The following HMCN2 variants were observed in gnomAD, a reference collection of about 807,000 sequenced individuals.
HMCN2 encodes the protein hemicentin 2.
Under a neutral mutation model 377.5 loss-of-function variants are expected in HMCN2, and 325 were observed. The observed-to-expected ratio is 0.86, with a 90% CI of 0.79 to 0.94. The LOEUF (loss-of-function observed/expected upper bound fraction) is 0.94, where lower values mean the gene tolerates loss of function less well. HMCN2 is among the 40% of genes least tolerant of loss of function. The pLI, the probability that HMCN2 is intolerant of heterozygous loss-of-function variation, is 0.00. For missense variants in HMCN2, 4,543 were observed against 4,725.3 expected (o/e 0.96, Z 1.13); for synonymous variants, 2,007 against 2,046.8 (o/e 0.98, Z 0.53).
intron 66 of HMCN2, 66 bp downstream of exon 66, chr9:130,392,184 A>G: frequency 1.0e-6 from 1 of 974,154 alleles, no homozygotes; most frequent in Non-Finnish European, 1.2e-6. Context: ...ATTGTCAGCA[A>G]ATGGGAGGTG....
chr9:130,309,279 C>T (rs964157832), intron 14 of HMCN2, among the ~76,000 whole-genome samples: 7 of 151,926 alleles, frequency 4.6e-5, no homozygotes, highest in South Asian at 4.2e-4. Flanking sequence ...TTTGGGAGCC[C>T]GAGGTGGGCA....
intron 15 of HMCN2, among the ~76,000 whole-genome samples, chr9:130,319,052 C>T (rs902445917): frequency 6.4e-4 from 98 of 152,294 alleles, no homozygotes; most frequent in African/African-American, 2.3e-3. Context: ...AGGACACCTC[C>T]AAGAGAAAGC....
chr9:130,432,861 A>G, intron 97 of HMCN2: 1 of 436,664 alleles, frequency 2.3e-6, no homozygotes, highest in East Asian at 4.3e-5. Flanking sequence ...ATCAAGACAC[A>G]CGGAGACATG....
At chr9:130,390,567 G>A (rs1380683239) in intron 62 of HMCN2, among the ~76,000 whole-genome samples, 3 of 152,248 alleles carry the variant, frequency 2.0e-5, no homozygotes, top group Non-Finnish European at 4.4e-5. Context: ...CCGGGAGTGG[G>A]AGGAGCCCGA....
rs941282266 is a variant in HMCN2 at position 130,349,746 on chromosome 9, T to G, written c.4430+83T>G. On this transcript the variant is annotated intron_variant, in intron 29 of 97. Coordinates refer to ENST00000683500, the MANE Select transcript of HMCN2 (RefSeq NM_001291815.2). ...ATGTGGGGGTTGGGGAAGGTTGAACTCTTCTTGGGGAGCTGACAGGCATGG... is the reference window on the plus strand; with the variant it reads ...ATGTGGGGGTTGGGGAAGGTTGAACGCTTCTTGGGGAGCTGACAGGCATGG... 1.4e-5 allele frequency: 17 copies of G among 1,226,308 alleles called. No homozygotes were observed. In the African/African-American group the frequency reaches 2.3e-4, roughly 17 times the overall value. 76.0% of individuals were successfully genotyped at this position (1,226,308 alleles called of 1,614,324 possible). A position where few individuals can be genotyped will look rare whatever the true frequency, so the allele number is the denominator to read the frequency against.
chr9:130,273,353 T>G (rs1834503592), intron 1 of HMCN2, among the ~76,000 whole-genome samples: 1 of 152,216 alleles, frequency 6.6e-6, no homozygotes, highest in African/African-American at 2.4e-5. Context: ...TTTTCTAGGT[T>G]GAGAGTCACA....
At position 130,430,230 on chromosome 9, in the gene HMCN2, G is replaced by T. The variant is rs1844655047; in HGVS notation, c.14327-54G>T. 2.9e-6 allele frequency: 4 copies of T among 1,400,734 alleles called. No individual in the cohort carries two copies. The South Asian group carries it at 4.1e-5, about 14-fold the overall frequency. The allele number at this position is 1,400,734 out of a possible 1,614,324, so 86.8% of individuals were successfully genotyped here. The stretch of plus-strand genomic sequence containing the variant: ...AGGCAGGGCCAGGCAATGGCTGCAG[G>T]CTGCAGGGGAACCTGGGCCACCTGT... On this transcript the variant is annotated intron_variant, in intron 94 of 97. Coordinates refer to ENST00000683500, the MANE Select transcript of HMCN2 (RefSeq NM_001291815.2).
chr9:130,382,581 G>C (rs896860364), intron 55 of HMCN2, 98 bp from the exon 56 acceptor site: 5 of 340,446 alleles, frequency 1.5e-5, no homozygotes, highest in Non-Finnish European at 2.1e-5. Flanking sequence ...TGAGGATCCC[G>C]ACCAGCACCT....
rs1834075701 is a variant in HMCN2, at chr9:130,266,056, G to A, written c.178G>A (p.Ala60Thr). 1 of 470,866 alleles carries A rather than the reference G, an allele frequency of 2.1e-6. No individual in the cohort carries two copies. The highest frequency in any genetic ancestry group is 3.3e-4 in the Middle Eastern group (1 of 3,074). 29.2% of individuals were successfully genotyped at this position (470,866 alleles called of 1,614,324 possible). ...CGAACTGATGCAGGTGATCGATGGCGCCTCGCGCATTCTGGAACGCAGTCT... is the reference window on the plus strand; with the variant it reads ...CGAACTGATGCAGGTGATCGATGGCACCTCGCGCATTCTGGAACGCAGTCT... The part of the protein sequence containing the change: ...WDELMQVIDG[A>T]SRILERSLSR... The change falls in exon 1 of 98, where the codon GCC (alanine) becomes ACC (threonine). Residue 60 changes from alanine to threonine, a missense_variant. Around this residue, in one of 5 missense-constraint regions of HMCN2, gnomAD observed 547 missense variants for 189.9 expected, o/e 2.88. Coordinates refer to ENST00000683500, the MANE Select transcript of HMCN2 (RefSeq NM_001291815.2).
rs776937445 is a variant in HMCN2 at position 130,393,970 on chromosome 9, C to T, written c.10463C>T (p.Ala3488Val). 4.8e-5 allele frequency: 61 copies of T among 1,279,550 alleles called. No homozygotes were observed. Among genetic ancestry groups the T allele is most frequent in the Non-Finnish European group, 5.4e-5 (53 of 984,620 alleles). 79.3% of individuals were successfully genotyped at this position (1,279,550 alleles called of 1,614,324 possible). A position where few individuals can be genotyped will look rare whatever the true frequency, so the allele number is the denominator to read the frequency against. The change falls in exon 68 of 98, where the codon GCG (alanine) becomes GTG (valine). Residue 3488 changes from alanine (A) to valine (V), a missense_variant. Physicochemically the swap from Ala to Val is moderately conservative, Grantham distance 64. This residue lies in a region of HMCN2 where 1,073 missense variants were observed against 1,319.5 expected (regional missense o/e 0.81). Transcript: ENST00000683500. This position sits in a 1 kb window ranked among gnomAD's most constrained non-coding sequence, Gnocchi z 5.2. ...GTYSCVAVSE[A>V]GEARRHFQLT... ...TACTCCTGTGTGGCCGTGAGCGAGG[C>T]GGGGGAAGCCAGGAGGCATTTCCAG...
intron 30 of HMCN2, 121 bp from the exon 31 acceptor site, chr9:130,352,806 G>C: frequency 2.6e-6 from 2 of 774,852 alleles, no homozygotes; most frequent in South Asian, 1.9e-5. Flanking sequence ...TGCCTTCCCT[G>C]CCCCCGCAAT....
intron 84 of HMCN2, 49 bp downstream of exon 84, chr9:130,408,982 C>T (rs1295268936): frequency 1.1e-5 from 13 of 1,217,976 alleles, no homozygotes; most frequent in African/African-American, 3.1e-5. Context: ...GACAACTCTA[C>T]GCTTTTTCAG....
At chr9:130,395,148 AG>A (rs1381947853) in intron 70 of HMCN2, 40 bp downstream of exon 70, 1 of 1,185,084 alleles carries the variant, frequency 8.4e-7, no homozygotes, top group Non-Finnish European at 1.1e-6. Context: ...GCCGGGAGGC[AG>A]GACGGGCTCG....
intron 84 of HMCN2, among the ~76,000 whole-genome samples, chr9:130,409,386 C>T (rs1245897565): frequency 6.6e-6 from 1 of 152,210 alleles, no homozygotes; most frequent in African/African-American, 2.4e-5. Flanking sequence ...GCCTCAGGCC[C>T]CGTGCTGTTT....
rs1051415149 is a variant in HMCN2 at position 130,371,121 on chromosome 9, C to T, written c.7227C>T (p.Tyr2409=). 1.0e-6 allele frequency: 1 copy of T among 985,782 alleles called. No individual in the cohort carries two copies. The highest frequency in any genetic ancestry group is 1.2e-6 in the Non-Finnish European group (1 of 829,998). 61.1% of individuals were successfully genotyped at this position (985,782 alleles called of 1,614,324 possible). A position where few individuals can be genotyped will look rare whatever the true frequency, so the allele number is the denominator to read the frequency against. Residue 2409 remains tyrosine, a synonymous_variant, in exon 46 of 98, where the codon TAC becomes TAT. Transcript: ENST00000683500. ...CTGTCAGCCCCGGGGAGGACACCTA[C>T]CTGCTGGCAGGTAAGATACCAGCTA... ...EEPVSPGEDT[Y]LLAGGWMLKM...
Position 130,375,964 on chromosome 9 carries a change from G to GA in HMCN2, c.7898dup (p.Asn2633LysfsTer39). On this transcript the variant is annotated frameshift_variant, in exon 51 of 98. Coordinates refer to ENST00000683500, the MANE Select transcript of HMCN2 (RefSeq NM_001291815.2). LOFTEE classifies it high-confidence loss of function. ...TCACCAATGAGCTCGGGGAGGCCGT[G>GA]AAAAACTACCATGTGGAAGTGCTCA... 1.0e-6 allele frequency: 1 copy of GA among 985,866 alleles called. No homozygotes were observed. Among genetic ancestry groups the GA allele is most frequent in the Non-Finnish European group, 1.2e-6 (1 of 829,958 alleles). The allele number at this position is 985,866 out of a possible 1,614,324, so 61.1% of individuals were successfully genotyped here.
intron 73 of HMCN2, among the ~76,000 whole-genome samples, chr9:130,396,670 C>G (rs1262614344): frequency 6.6e-6 from 1 of 152,096 alleles, no homozygotes; most frequent in East Asian, 1.9e-4. Flanking sequence ...GCCCCCAGCC[C>G]CAGGTTTACA....
At chr9:130,305,568 G>A (rs1469317060) in intron 11 of HMCN2, among the ~76,000 whole-genome samples, 1 of 152,318 alleles carries the variant, frequency 6.6e-6, no homozygotes, top group East Asian at 1.9e-4. Flanking sequence ...AGTGTGTTGG[G>A]CAGGATTCTG....
chr9:130,348,804 G>C, intron 27 of HMCN2, 129 bp downstream of exon 27: 1 of 1,241,640 alleles, frequency 8.1e-7, no homozygotes, highest in South Asian at 1.4e-5. Flanking sequence ...GTGGTGCTCT[G>C]GGGTTCACGG....
Sources: gnomAD v4.1 joint callset for allele counts (sites outside exome capture counted in the v4.1 genomes callset) on GRCh38, gnomAD v4.1.1 for gene constraint, gnomAD v4.1.1 regional missense constraint, Gnocchi (gnomAD v3.1) non-coding constraint, MANE v1.5 for transcripts, NCBI Gene and HGNC (gene_info 2026-07-23, HGNC 2026-07-21) for gene names.